KIF13A: variants seen among roughly 807,000 people sequenced by gnomAD.
KIF13A encodes kinesin family member 13A.
A neutral mutation model predicts 212.2 loss-of-function variants in KIF13A; 79 were observed. The observed-to-expected ratio is 0.37, with a 90% CI of 0.31 to 0.45. KIF13A has a LOEUF of 0.45. Ranked by LOEUF, KIF13A falls within the 20% of genes least tolerant of loss-of-function variation. KIF13A has a pLI of 1.00. For synonymous variants in KIF13A, 789 were observed against 808.6 expected (o/e 0.98, Z 0.41); for missense variants, 1,901 against 2,209.0 (o/e 0.86, Z 2.79).
At position 17,838,471 on chromosome 6, in the gene KIF13A, T is replaced by C. The variant is rs1181257903; in HGVS notation, c.831-888A>G. On this transcript the variant is annotated intron_variant, in intron 9 of 38. Coordinates refer to ENST00000259711, the MANE Select transcript of KIF13A (RefSeq NM_022113.6). This position sits in a 1 kb window ranked among gnomAD's most constrained non-coding sequence, Gnocchi z 4.2. ...GCAGCCTATTTCCCACAAAACATAA[T>C]TCCCCAAAGACGAGTCACTGAAAAG... 6.6e-6 allele frequency among the ~76,000 whole-genome samples: 1 copy of C among 152,074 alleles called. No homozygotes were observed. Among genetic ancestry groups the C allele is most frequent in the Non-Finnish European group, 1.5e-5 (1 of 68,024 alleles).
intron 2 of KIF13A, among the ~76,000 whole-genome samples, chr6:17,939,131 G>C (rs1048038707): frequency 6.6e-6 from 1 of 152,080 alleles, no homozygotes; most frequent in Non-Finnish European, 1.5e-5. Context: ...ACTTTAGGGC[G>C]CTTTCCGCCC....
In KIF13A at chr6:17,947,669, T is replaced by G. The variant is rs1777520288; in HGVS notation, c.146+39385A>C. On this transcript the variant is annotated intron_variant, in intron 2 of 38. Transcript: ENST00000259711. The surrounding 1 kb of genome is among the most constrained non-coding windows in gnomAD (Gnocchi z 4.6). Reference sequence around the variant, plus strand: ...CTGGGCAACACGGTGAAACCCTATCTCTACTAAAAATACAAAAAAAAATTA... The same window carrying G: ...CTGGGCAACACGGTGAAACCCTATCGCTACTAAAAATACAAAAAAAAATTA... Among the ~76,000 whole-genome samples, 4 of 151,958 alleles carry G rather than the reference T, an allele frequency of 2.6e-5. No homozygotes were observed. The South Asian group carries it at 8.3e-4, about 32-fold the overall frequency.
In KIF13A at chr6:17,967,800, T is replaced by C. The variant is rs1360048689; in HGVS notation, c.146+19254A>G. On this transcript the variant is annotated intron_variant, in intron 2 of 38. Transcript: ENST00000259711. This position sits in a 1 kb window ranked among gnomAD's most constrained non-coding sequence, Gnocchi z 4.1. The stretch of plus-strand genomic sequence containing the variant: ...CCATGGGACTAGGACCCGCTGATGT[T>C]TGACAATCACTGTGAGATGCATCAC... Among the ~76,000 whole-genome samples, 1 of 152,314 alleles carries C rather than the reference T, an allele frequency of 6.6e-6. No individual in the cohort carries two copies. Among genetic ancestry groups the C allele is most frequent in the Non-Finnish European group, 1.5e-5 (1 of 68,028 alleles).
intron 25 of KIF13A, among the ~76,000 whole-genome samples, chr6:17,792,165 T>C (rs1303709294): frequency 1.6e-5 from 2 of 124,422 alleles, no homozygotes; most frequent in Admixed American, 2.0e-4. Flanking sequence ...ATTGCACCAT[T>C]GCACTCCAGC....
At chr6:17,840,327 G>GTT (rs1213638163) in intron 9 of KIF13A, among the ~76,000 whole-genome samples, 1 of 152,070 alleles carries the variant, frequency 6.6e-6, no homozygotes, top group Non-Finnish European at 1.5e-5. Flanking sequence ...GATAATAGAG[G>GTT]CAAGTAGGAG....
intron 2 of KIF13A, among the ~76,000 whole-genome samples, chr6:17,978,474 CTT>C (rs1169292452): frequency 1.3e-5 from 2 of 152,118 alleles, no homozygotes; most frequent in African/African-American, 4.8e-5. Context: ...CCATTACATC[CTT>C]TGTTGATAGC....
In KIF13A at chr6:17,794,125, A is replaced by C; in HGVS notation, c.3222+124T>G. 1.5e-6 allele frequency: 1 copy of C among 675,128 alleles called. No homozygotes were observed. The highest frequency in any genetic ancestry group is 2.5e-5 in the East Asian group (1 of 39,700). The allele number at this position is 675,128 out of a possible 1,614,324, so 41.8% of individuals were successfully genotyped here. A position where few individuals can be genotyped will look rare whatever the true frequency, so the allele number is the denominator to read the frequency against. On this transcript the variant is annotated intron_variant, in intron 25 of 38. Transcript: ENST00000259711. The surrounding 1 kb of genome is among the most constrained non-coding windows in gnomAD (Gnocchi z 4.1). ...AAGCTAGAAAAAAGGCAATGGATGG[A>C]AATGTGAACTGGGGGAAGATCTACG...
In KIF13A at chr6:17,918,943, C is replaced by T. The variant is rs1774784329; in HGVS notation, c.147-20763G>A. Among the ~76,000 whole-genome samples, 1 of 152,170 alleles carries T rather than the reference C, an allele frequency of 6.6e-6. No homozygotes were observed. The highest frequency in any genetic ancestry group is 1.5e-5 in the Non-Finnish European group (1 of 68,038). On this transcript the variant is annotated intron_variant, in intron 2 of 38. Transcript: ENST00000259711. The surrounding 1 kb of genome is among the most constrained non-coding windows in gnomAD (Gnocchi z 4.8). Reference sequence around the variant, plus strand: ...CTGGATCTGACAGTTATAAGATCCACGGAAAGAGAGGCTTTGTCTATCTTG... The same window carrying T: ...CTGGATCTGACAGTTATAAGATCCATGGAAAGAGAGGCTTTGTCTATCTTG...
rs1415173758 is a variant in KIF13A, at chr6:17,897,330, T to A, written c.159+838A>T. Among the ~76,000 whole-genome samples the A allele has an allele frequency of 6.6e-6, 1 of 152,200 alleles. No homozygotes were observed. The highest frequency in any genetic ancestry group is 2.4e-5 in the African/African-American group (1 of 41,444). On this transcript the variant is annotated intron_variant, in intron 3 of 38. Transcript: ENST00000259711. The surrounding 1 kb of genome is among the most constrained non-coding windows in gnomAD (Gnocchi z 4.8). ...GTGTAGGTAAAGCCTGTTCTAATCC[T>A]ATCTCAAGAACCACAGCTATAATCA...
At position 17,856,651 on chromosome 6, in the gene KIF13A, C is replaced by T. The variant is rs886826178; in HGVS notation, c.221-529G>A. ...GCACCCGTCACCTGTGTCCCCACAG[C>T]GGGAGTGGGGGACAAGTTCTCTTTT... is the stretch of plus-strand genomic sequence containing the variant. On this transcript the variant is annotated intron_variant, in intron 4 of 38. Transcript: ENST00000259711. This position sits in a 1 kb window ranked among gnomAD's most constrained non-coding sequence, Gnocchi z 4.5. Among the ~76,000 whole-genome samples, 7 of 152,158 alleles carry T rather than the reference C, an allele frequency of 4.6e-5. No individual in the cohort carries two copies. Among genetic ancestry groups the T allele is most frequent in the South Asian group, 2.1e-4 (1 of 4,828 alleles).
chr6:17,876,466 A>G (rs1581607539), intron 3 of KIF13A, among the ~76,000 whole-genome samples: 1 of 152,296 alleles, frequency 6.6e-6, no homozygotes, highest in East Asian at 1.9e-4. Flanking sequence ...GCCCAGTTCG[A>G]TACATTTTTC....
In KIF13A at chr6:17,872,176, C is replaced by T. The variant is rs933545936; in HGVS notation, c.220+1201G>A. On this transcript the variant is annotated intron_variant, in intron 4 of 38. Transcript: ENST00000259711. This position sits in a 1 kb window ranked among gnomAD's most constrained non-coding sequence, Gnocchi z 4.7. ...TTCTCCTAGTCCAAGATTGTTAACTCTTGAAAAAATTATGTTATCAAACAA... is the reference window on the plus strand; with the variant it reads ...TTCTCCTAGTCCAAGATTGTTAACTTTTGAAAAAATTATGTTATCAAACAA... Among the ~76,000 whole-genome samples, 1 of 152,144 alleles carries T rather than the reference C, an allele frequency of 6.6e-6. No individual in the cohort carries two copies. The highest frequency in any genetic ancestry group is 1.5e-5 in the Non-Finnish European group (1 of 68,024).
Position 17,833,968 on chromosome 6 carries a change from A to G in KIF13A, c.1259T>C (p.Ile420Thr). Residue 420 changes from isoleucine to threonine, a missense_variant, in exon 12 of 39, where the codon ATA becomes ACA. This residue lies in a region of KIF13A where 506 missense variants were observed against 637.4 expected (regional missense o/e 0.79). Transcript: ENST00000259711. ...WEEKLRKTEE[I>T]AQERQRQLES... ...GCTAAATTATCAAGCTACCTGTGCT[A>G]TCTCTTCTGTTTTTCTCAGCTTCTC... is the stretch of plus-strand genomic sequence containing the variant. 2 of 1,553,584 alleles carry G rather than the reference A, an allele frequency of 1.3e-6. No homozygotes were observed. The highest frequency in any genetic ancestry group is 8.7e-7 in the Non-Finnish European group (1 of 1,146,458).
At chr6:17,824,133 C>G (rs763019789) in intron 16 of KIF13A, among the ~76,000 whole-genome samples, 28 of 151,698 alleles carry the variant, frequency 1.8e-4, no homozygotes, top group Non-Finnish European at 3.2e-4. Flanking sequence ...GTCTCAAACT[C>G]CTGACCTCAG....
intron 18 of KIF13A, among the ~76,000 whole-genome samples, chr6:17,806,802 C>T (rs1001491315): frequency 6.6e-5 from 10 of 152,274 alleles, no homozygotes; most frequent in Non-Finnish European, 1.2e-4. Flanking sequence ...TCACTTGAAC[C>T]CGGGAGGCGG....
chr6:17,805,440 A>T, intron 19 of KIF13A, 35 bp downstream of exon 19: 1 of 1,593,020 alleles, frequency 6.3e-7, no homozygotes, highest in East Asian at 2.2e-5. Flanking sequence ...TGTTTTTAAC[A>T]TAACAAAATC....
intron 2 of KIF13A, among the ~76,000 whole-genome samples, chr6:17,933,404 ATTTTTTTTTTT>A (rs11377627): frequency 8.7e-6 from 1 of 114,604 alleles, no homozygotes; most frequent in Admixed American, 1.0e-4. Flanking sequence ...CACCCAGCTC[ATTTTTTTTTTT>A]TTTTTTTTTG....
chr6:17,813,983 T>G (rs1221537466), intron 17 of KIF13A, among the ~76,000 whole-genome samples: 20 of 142,148 alleles, frequency 1.4e-4, no homozygotes, highest in Admixed American at 1.1e-3. Flanking sequence ...GATGGAGTCT[T>G]GCTCTGTTGC....
chr6:17,826,026 C>T lies in KIF13A; in HGVS notation c.1619+12G>A. On this transcript the variant is annotated intron_variant, in intron 15 of 38. Coordinates refer to ENST00000259711, the MANE Select transcript of KIF13A (RefSeq NM_022113.6). The surrounding 1 kb of genome is among the most constrained non-coding windows in gnomAD (Gnocchi z 4.7). ...GTATACGAAAATATATTACAGAACA[C>T]AAAGATGTTACCTAAAAAAGTGATT... 6.2e-7 allele frequency: 1 copy of T among 1,613,066 alleles called. No homozygotes were observed. Among genetic ancestry groups the T allele is most frequent in the South Asian group, 1.1e-5 (1 of 91,068 alleles).
Sources: gnomAD v4.1 joint callset for allele counts (sites outside exome capture counted in the v4.1 genomes callset) on GRCh38, gnomAD v4.1.1 for gene constraint, gnomAD v4.1.1 regional missense constraint, Gnocchi (gnomAD v3.1) non-coding constraint, MANE v1.5 for transcripts, NCBI Gene and HGNC (gene_info 2026-07-23, HGNC 2026-07-21) for gene names.